The following GLIS3 variants were observed in gnomAD, a reference collection of about 807,000 sequenced individuals.
The protein encoded by GLIS3 is zinc finger protein GLIS3.
A neutral mutation model predicts 78.6 loss-of-function variants in GLIS3; 53 were observed. That is an observed-to-expected ratio of 0.67 (90% CI 0.54 to 0.85). GLIS3 has a LOEUF of 0.85. Ranked by LOEUF, GLIS3 falls within the 40% of genes least tolerant of loss-of-function variation. GLIS3 has a pLI of 0.00. For synonymous variants in GLIS3, 684 were observed against 509.9 expected, an observed-to-expected ratio of 1.34 and a Z score of -4.60; for missense variants, 1,703 against 1,231.1, an observed-to-expected ratio of 1.38 and a Z score of -5.74.
the GLIS3 span, among the ~76,000 whole-genome samples, chr9:4,415,457 G>A: frequency 6.6e-6 from 1 of 152,234 alleles, no homozygotes; most frequent in Non-Finnish European, 1.5e-5. Flanking sequence ...CTTCTAAACA[G>A]ATGGATGTTA....
chr9:3,948,734 A>G (rs1816469852), intron 4 of GLIS3, among the ~76,000 whole-genome samples: 1 of 152,214 alleles, frequency 6.6e-6, no homozygotes, highest in South Asian at 2.1e-4. Flanking sequence ...TTTGCATTGA[A>G]TTTAAACTAC....
At chr9:3,953,718 G>A (rs1487782938) in intron 4 of GLIS3, among the ~76,000 whole-genome samples, 1 of 133,490 alleles carries the variant, frequency 7.5e-6, no homozygotes, top group Non-Finnish European at 1.6e-5. Flanking sequence ...AGTACTTGCT[G>A]TTGGCTCTCC....
chr9:4,088,643 T>C (rs577340834), intron 4 of GLIS3, among the ~76,000 whole-genome samples: 17 of 152,364 alleles, frequency 1.1e-4, no homozygotes, highest in African/African-American at 3.6e-4. Flanking sequence ...GCACCAACTA[T>C]ATATTGGATG....
Position 4,189,201 on chromosome 9 carries a change from T to C in GLIS3, c.389-63260A>G, listed in dbSNP as rs370652602. Among the ~76,000 whole-genome samples, 11 of 152,084 alleles carry C rather than the reference T, an allele frequency of 7.2e-5. No homozygotes were observed. The East Asian group carries it at 1.7e-3, about 24-fold the overall frequency. ...CAGAGATTCTGGTATGTTGTGTCTT[T>C]GTTCTCGTTGGTTTCAAAGAACATC... On this transcript the variant is annotated intron_variant, in intron 2 of 10. Transcript: ENST00000381971.
chr9:3,845,213 T>C (rs1818955945), intron 9 of GLIS3, among the ~76,000 whole-genome samples: 3 of 152,164 alleles, frequency 2.0e-5, no homozygotes. Flanking sequence ...CCTATTCTTA[T>C]GAGAGCTGTA....
intron 2 of GLIS3, among the ~76,000 whole-genome samples, chr9:4,198,720 G>A (rs76559979): frequency 0.012 from 1,891 of 152,186 alleles, 39 homozygotes; most frequent in African/African-American, 0.043. Context: ...GAACACCTAT[G>A]AGATGCTACA....
intron 4 of GLIS3, among the ~76,000 whole-genome samples, chr9:3,991,905 C>A (rs7026166): frequency 6.6e-6 from 1 of 151,678 alleles, no homozygotes; most frequent in African/African-American, 2.4e-5. Context: ...TTGGCCAGGA[C>A]AGTCTTGATC....
chr9:4,233,769 G>C (rs1822478543), intron 2 of GLIS3, among the ~76,000 whole-genome samples: 2 of 152,212 alleles, frequency 1.3e-5, no homozygotes, highest in Non-Finnish European at 2.9e-5. Context: ...AGCTATGAAA[G>C]TCCTAGATGG....
chr9:3,984,318 C>G (rs116606652), intron 4 of GLIS3, among the ~76,000 whole-genome samples: 3 of 152,236 alleles, frequency 2.0e-5, no homozygotes, highest in African/African-American at 4.8e-5. Flanking sequence ...CGCAAAGCCA[C>G]GGGCAGAGCT....
At chr9:4,346,159 G>C (rs1036730252) in intron 2 of GLIS3, among the ~76,000 whole-genome samples, 2 of 152,116 alleles carry the variant, frequency 1.3e-5, no homozygotes, top group African/African-American at 4.8e-5. Context: ...GCCTGTAAAG[G>C]AAACCTCAAG....
At chr9:4,403,976 G>A in the GLIS3 span, among the ~76,000 whole-genome samples, 31 of 152,020 alleles carry the variant, frequency 2.0e-4, no homozygotes, top group Non-Finnish European at 4.0e-4. Flanking sequence ...TTGCCTACAA[G>A]AAATATACTT....
the GLIS3 span, among the ~76,000 whole-genome samples, chr9:4,478,923 C>A: frequency 3.9e-5 from 6 of 152,136 alleles, no homozygotes; most frequent in Admixed American, 1.3e-4. Flanking sequence ...AATAGCAAAC[C>A]TCTACATCTA....
chr9:4,085,171 G>C (rs1482544291), intron 4 of GLIS3, among the ~76,000 whole-genome samples: 1 of 151,990 alleles, frequency 6.6e-6, no homozygotes, highest in Non-Finnish European at 1.5e-5. Context: ...CAGACACTAA[G>C]GAACACTCCT....
the GLIS3 span, among the ~76,000 whole-genome samples, chr9:4,389,120 G>A: frequency 6.6e-6 from 1 of 152,234 alleles, no homozygotes; most frequent in South Asian, 2.1e-4. Context: ...TGAGCTGCAT[G>A]TTTGATGTGC....
chr9:4,318,002 A>G (rs904324512), intron 2 of GLIS3, among the ~76,000 whole-genome samples: 3 of 152,280 alleles, frequency 2.0e-5, no homozygotes, highest in African/African-American at 7.2e-5. Context: ...AGACTTAGAA[A>G]GAACATGTGT....
intron 2 of GLIS3, among the ~76,000 whole-genome samples, chr9:4,159,966 G>T (rs959728857): frequency 9.9e-5 from 15 of 152,138 alleles, no homozygotes; most frequent in African/African-American, 3.6e-4. Flanking sequence ...AACCAAGAAT[G>T]AATGTTAGTA....
At chr9:4,363,827 T>C in the GLIS3 span, among the ~76,000 whole-genome samples, 6 of 152,312 alleles carry the variant, frequency 3.9e-5, no homozygotes, top group African/African-American at 1.4e-4. Context: ...AGCTAAATAA[T>C]CCCACAAGAG....
chr9:3,991,721 C>A (rs532287523), intron 4 of GLIS3, among the ~76,000 whole-genome samples: 1 of 104,444 alleles, frequency 9.6e-6, no homozygotes, highest in African/African-American at 4.9e-5. Flanking sequence ...GACGGAGTCT[C>A]ACTCTGTCGC....
chr9:4,227,966 G>A (rs1250673355), intron 2 of GLIS3, among the ~76,000 whole-genome samples: 2 of 152,106 alleles, frequency 1.3e-5, no homozygotes, highest in Admixed American at 6.5e-5. Context: ...ATAATTTGTT[G>A]GGATCAGTAC....
Sources: allele counts gnomAD v4.1 joint callset (sites outside exome capture counted in the v4.1 genomes callset), GRCh38; gene constraint gnomAD v4.1.1; transcripts MANE v1.5; gene names NCBI Gene and HGNC (gene_info 2026-07-23, HGNC 2026-07-21).